GRID2: variants seen among roughly 807,000 people sequenced by gnomAD.
GRID2 encodes glutamate receptor ionotropic, delta-2.
A neutral mutation model predicts 114.8 loss-of-function variants in GRID2; 33 were observed. That is an observed-to-expected ratio of 0.29 (90% CI 0.22 to 0.38). GRID2 has a LOEUF of 0.38. Ranked by LOEUF, GRID2 falls within the 10% of genes least tolerant of loss-of-function variation. The pLI is 1.00. For missense variants in GRID2, 1,184 were observed against 1,257.7 expected, an observed-to-expected ratio of 0.94 and a Z score of 0.89; for synonymous variants, 505 against 449.9, an observed-to-expected ratio of 1.12 and a Z score of -1.55.
intron 2 of GRID2, among the ~76,000 whole-genome samples, chr4:92,609,806 T>C (rs1729636087): frequency 6.6e-6 from 1 of 151,632 alleles, no homozygotes; most frequent in Admixed American, 6.6e-5. Flanking sequence ...AATTCATTTT[T>C]AAATCAAAAT....
chr4:93,409,054 T>C (rs562039814), intron 9 of GRID2, among the ~76,000 whole-genome samples: 8 of 152,262 alleles, frequency 5.3e-5, no homozygotes, highest in African/African-American at 1.9e-4. Context: ...TACCTTGTTC[T>C]CTCCACATCT....
At chr4:92,606,237 C>T (rs1031839744) in intron 2 of GRID2, among the ~76,000 whole-genome samples, 1 of 151,998 alleles carries the variant, frequency 6.6e-6, no homozygotes, top group East Asian at 1.9e-4. Flanking sequence ...TTATTCATAA[C>T]TTATCACATC....
intron 1 of GRID2, among the ~76,000 whole-genome samples, chr4:92,411,943 G>A (rs1486691558): frequency 6.6e-6 from 1 of 151,790 alleles, no homozygotes; most frequent in Non-Finnish European, 1.5e-5. Flanking sequence ...TTGACCTTGT[G>A]ATCCGCCCGC....
chr4:93,177,576 G>C (rs1739465618), intron 4 of GRID2, among the ~76,000 whole-genome samples: 1 of 152,034 alleles, frequency 6.6e-6, no homozygotes. Context: ...CAATACTTCA[G>C]AAACAAACTC....
chr4:92,494,783 G>A (rs558448259), intron 1 of GRID2, among the ~76,000 whole-genome samples: 2 of 151,884 alleles, frequency 1.3e-5, no homozygotes, highest in South Asian at 4.1e-4. Context: ...TAAAAAAGGG[G>A]CTATGTACAC....
intron 2 of GRID2, among the ~76,000 whole-genome samples, chr4:92,590,602 G>A (rs1728665553): frequency 6.6e-6 from 1 of 152,088 alleles, no homozygotes; most frequent in Non-Finnish European, 1.5e-5. Flanking sequence ...CTAACAGAAA[G>A]TTTACTTTGG....
At chr4:93,567,648 A>G (rs1735554966) in intron 13 of GRID2, among the ~76,000 whole-genome samples, 1 of 152,208 alleles carries the variant, frequency 6.6e-6, no homozygotes, top group South Asian at 2.1e-4. Context: ...GCACAAATTT[A>G]ACAGACATAT....
chr4:93,020,688 A>G (rs776800738), intron 2 of GRID2, among the ~76,000 whole-genome samples: 10 of 152,204 alleles, frequency 6.6e-5, no homozygotes, highest in Non-Finnish European at 1.5e-4. Flanking sequence ...ACTTGTGACA[A>G]CTTTTCTTTA....
intron 4 of GRID2, among the ~76,000 whole-genome samples, chr4:93,128,043 AAAAAAAAAAAAAAAAAC>A (rs1164228986): frequency 1.4e-4 from 20 of 144,370 alleles, no homozygotes; most frequent in African/African-American, 3.7e-4. Context: ...AAAAAAAAAA[AAAAAAAAAAAAAAAAAC>A]AACAGTACGT....
chr4:93,212,120 A>T (rs970199705), intron 5 of GRID2, among the ~76,000 whole-genome samples: 3 of 151,922 alleles, frequency 2.0e-5, no homozygotes, highest in Non-Finnish European at 4.4e-5. Flanking sequence ...ATGTAATAAT[A>T]AAAAAAACCC....
intron 8 of GRID2, among the ~76,000 whole-genome samples, chr4:93,246,203 A>AT (rs1259755660): frequency 1.3e-5 from 2 of 152,192 alleles, no homozygotes; most frequent in Non-Finnish European, 2.9e-5. Context: ...TAAGCCCATA[A>AT]TTGGAAAATC....
At chr4:93,170,364 A>C (rs1738681636) in intron 4 of GRID2, among the ~76,000 whole-genome samples, 1 of 152,124 alleles carries the variant, frequency 6.6e-6, no homozygotes, top group South Asian at 2.1e-4. Context: ...GATTACAGGC[A>C]TGAACCACTG....
At chr4:92,332,056 T>A (rs1466637549) in intron 1 of GRID2, among the ~76,000 whole-genome samples, 2 of 152,152 alleles carry the variant, frequency 1.3e-5, no homozygotes, top group East Asian at 3.9e-4. Flanking sequence ...GTCTCAGAAA[T>A]TATGCTTGAA....
At position 93,063,046 on chromosome 4, in the gene GRID2, G is replaced by A. The variant is rs1466344682; in HGVS notation, c.245-21949G>A. Among the ~76,000 whole-genome samples, 3 of 151,968 alleles carry A rather than the reference G, an allele frequency of 2.0e-5. No individual in the cohort carries two copies. In the East Asian group the frequency reaches 5.8e-4, roughly 29 times the overall value. The stretch of plus-strand genomic sequence containing the variant: ...AGGTATTAATTGTAGTGAGATGGCT[G>A]CATTCTGTTTCAAGACTCTTATCTG... On this transcript the variant is annotated intron_variant, in intron 2 of 15. Transcript: ENST00000282020.
chr4:93,801,763 G>A (rs2110367379), intron 1 of GRID2, among the ~76,000 whole-genome samples: 1 of 152,252 alleles, frequency 6.6e-6, no homozygotes, highest in East Asian at 1.9e-4. Context: ...TCTCAGATAT[G>A]TTGATGTCAT....
intron 14 of GRID2, among the ~76,000 whole-genome samples, chr4:93,632,870 GT>G (rs1358603442): frequency 6.6e-6 from 1 of 152,092 alleles, no homozygotes; most frequent in Non-Finnish European, 1.5e-5. Context: ...TCTTCCATTT[GT>G]TTGTGTCCTC....
chr4:93,302,487 C>A lies in GRID2; in HGVS notation c.1245+63997C>A, dbSNP rs1210573827. 1.1e-5 allele frequency: 5 copies of A among 442,004 alleles called. No individual in the cohort carries two copies. In the East Asian group the frequency reaches 3.5e-4, roughly 31 times the overall value. The allele number at this position is 442,004 out of a possible 1,614,324, so 27.4% of individuals were successfully genotyped here. ...AACAGGCAGAGTAACTCTCACTGAGCAATGCGAACATAATATTCATGTTTT... is the reference window on the plus strand; with the variant it reads ...AACAGGCAGAGTAACTCTCACTGAGAAATGCGAACATAATATTCATGTTTT... On this transcript the variant is annotated intron_variant, in intron 8 of 15. Coordinates refer to ENST00000282020, the MANE Select transcript of GRID2 (RefSeq NM_001510.4).
At chr4:93,378,196 T>C (rs1197948410) in intron 8 of GRID2, among the ~76,000 whole-genome samples, 1 of 152,146 alleles carries the variant, frequency 6.6e-6, no homozygotes, top group Non-Finnish European at 1.5e-5. Flanking sequence ...TAATTTAATA[T>C]GTTTAAATTC....
rs539526970 is a variant in GRID2, at chr4:93,802,420, G to A, written c.222-4295G>A. 2.6e-5 allele frequency among the ~76,000 whole-genome samples: 4 copies of A among 151,146 alleles called. No individual in the cohort carries two copies. In the South Asian group the frequency reaches 8.3e-4, roughly 31 times the overall value. On this transcript the variant is annotated intron_variant, in intron 1 of 1. Transcript: ENST00000637838. ...AGTGTGTGTGTGTGACAGAGAGAGAGAAAGAGAGAGAGAGATGTATTGAAC... is the reference window on the plus strand; with the variant it reads ...AGTGTGTGTGTGTGACAGAGAGAGAAAAAGAGAGAGAGAGATGTATTGAAC...
Sources: allele counts gnomAD v4.1 joint callset (sites outside exome capture counted in the v4.1 genomes callset), GRCh38; gene constraint gnomAD v4.1.1; transcripts MANE v1.5; gene names NCBI Gene and HGNC (gene_info 2026-07-23, HGNC 2026-07-21).